The following SEC16B variants were observed in gnomAD, a reference collection of about 807,000 sequenced individuals.
The protein encoded by SEC16B is protein transport protein Sec16B.
Under a neutral mutation model 141.8 loss-of-function variants are expected in SEC16B, and 115 were observed. That is an observed-to-expected ratio of 0.81 (90% CI 0.70 to 0.95). SEC16B has a LOEUF of 0.95. SEC16B is among the 40% of genes least tolerant of loss of function. The probability of loss-of-function intolerance (pLI) is 0.00; values close to 1 mark genes in which losing one functional copy is unlikely to be tolerated. For synonymous variants in SEC16B, 493 were observed against 492.5 expected, an observed-to-expected ratio of 1.00 and a Z score of -0.01; for missense variants, 1,291 against 1,312.3, an observed-to-expected ratio of 0.98 and a Z score of 0.25.
At chr1:177,943,931 C>T (rs929941957) in intron 15 of SEC16B, among the ~76,000 whole-genome samples, 3 of 152,290 alleles carry the variant, frequency 2.0e-5, no homozygotes, top group Non-Finnish European at 2.9e-5. Flanking sequence ...TGGTGCTGGA[C>T]GTCAGAGCTC....
chr1:177,948,460 TGAA>T, intron 12 of SEC16B: 1 of 1,303,652 alleles, frequency 7.7e-7, no homozygotes, highest in Non-Finnish European at 1.0e-6. Context: ...AGGAACCCTA[TGAA>T]GTCTAGTTCC....
chr1:177,940,076 T>C (rs970634645), intron 17 of SEC16B, among the ~76,000 whole-genome samples: 1 of 152,178 alleles, frequency 6.6e-6, no homozygotes, highest in Non-Finnish European at 1.5e-5. Context: ...GTAGAGGCTG[T>C]GTGTGCTTTA....
At chr1:177,962,161 C>T (rs1197530931) in intron 5 of SEC16B, among the ~76,000 whole-genome samples, 4 of 152,052 alleles carry the variant, frequency 2.6e-5, no homozygotes, top group Admixed American at 2.0e-4. Context: ...GCAACCTCCA[C>T]CTCCTGGGTT....
rs1003874175 is a variant in SEC16B at position 177,944,761 on chromosome 1, T to C, written c.1776-95A>G. 10 of 1,008,644 alleles carry C rather than the reference T, an allele frequency of 9.9e-6. No homozygotes were observed. The Admixed American group carries it at 1.4e-4, about 14-fold the overall frequency. The allele number at this position is 1,008,644 out of a possible 1,614,324, so 62.5% of individuals were successfully genotyped here. A position where few individuals can be genotyped will look rare whatever the true frequency, so the allele number is the denominator to read the frequency against. On this transcript the variant is annotated intron_variant, in intron 14 of 25. Transcript: ENST00000308284. ...TCCAAACACCAGCTGCAGCCTTTCA[T>C]GGGGGAGTTTCCATCCTGGGCTGAT...
chr1:177,973,764 C>T (rs1441565009), upstream of SEC16B, among the ~76,000 whole-genome samples: 2 of 152,108 alleles, frequency 1.3e-5, no homozygotes, highest in Non-Finnish European at 2.9e-5. Context: ...TTCAGCAGAG[C>T]AGTAGACATT....
At position 177,958,340 on chromosome 1, in the gene SEC16B, G is replaced by T; in HGVS notation, c.1157C>A (p.Ala386Asp). 2 of 1,601,744 alleles carry T rather than the reference G, an allele frequency of 1.2e-6. No homozygotes were observed. Among genetic ancestry groups the T allele is most frequent in the Non-Finnish European group, 1.7e-6 (2 of 1,174,110 alleles). ...QNGSMVGSDI[A>D]ELLMQDCKKL... is the part of the protein sequence containing the mutation. ...CTTGCAGTCTTGCATTAGCAGCTCA[G>T]CGATGTCAGACCCCACCATGGACTG... The change falls in exon 10 of 26, where the codon GCT becomes GAT. Residue 386 changes from alanine (A) to aspartate (D), a missense_variant. By Grantham distance (126) the Ala-to-Asp change is moderately radical. Around this residue, in one of 3 missense-constraint regions of SEC16B, gnomAD observed 681 missense variants for 675.5 expected, o/e 1.01. Transcript: ENST00000308284.
Position 177,967,873 on chromosome 1 carries a change from G to A in SEC16B, c.109C>T (p.Pro37Ser). Residue 37 changes from proline (P) to serine (S), a missense_variant, in exon 2 of 26, where the codon CCT becomes TCT. Pro to Ser is a moderately conservative substitution (Grantham distance 74, BLOSUM62 -1). This residue lies in a region of SEC16B where 681 missense variants were observed against 675.5 expected (regional missense o/e 1.01). Transcript: ENST00000308284. ...FRRDGHHRPV[P>S]HSWHNGERFH... is the part of the protein sequence containing the mutation. ...CTCTCTCCATTGTGCCAAGAGTGAG[G>A]GACAGGCCGATGATGTCCATCTCTC... 6.2e-7 allele frequency: 1 copy of A among 1,613,964 alleles called. No individual in the cohort carries two copies. The highest frequency in any genetic ancestry group is 1.1e-5 in the South Asian group (1 of 91,074).
At chr1:177,964,110 C>T (rs375422924) in intron 5 of SEC16B, 61 bp downstream of exon 5, 1 of 1,248,436 alleles carries the variant, frequency 8.0e-7, no homozygotes, top group Admixed American at 2.1e-5. Flanking sequence ...TCTGCCACTG[C>T]TGACAGTGTC....
chr1:177,936,229 C>T, intron 20 of SEC16B, 69 bp downstream of exon 20: 1 of 1,327,546 alleles, frequency 7.5e-7, no homozygotes, highest in Non-Finnish European at 1.1e-6. Flanking sequence ...GGCTGGGAAA[C>T]CAAGGCAACT....
chr1:177,977,327 C>T (rs535830055), intron 1 of SEC16B, among the ~76,000 whole-genome samples: 1 of 152,268 alleles, frequency 6.6e-6, no homozygotes, highest in African/African-American at 2.4e-5. Flanking sequence ...TCCCTGCAGG[C>T]GAAGCAGTGT....
intron 25 of SEC16B, 117 bp from the exon 26 acceptor site, chr1:177,930,046 G>T: frequency 1.0e-6 from 1 of 988,910 alleles, no homozygotes; most frequent in Non-Finnish European, 1.5e-6. Flanking sequence ...ATTTCCCAAG[G>T]TTGTGTTCTA....
chr1:177,935,560 A>G lies in SEC16B; in HGVS notation c.2571+738T>C, dbSNP rs563363222. On this transcript the variant is annotated intron_variant, in intron 20 of 25. Coordinates refer to ENST00000308284, the MANE Select transcript of SEC16B (RefSeq NM_033127.4). ...TGTATATATAGAAAAATAGTATAAG[A>G]AAAGAAAAATATTCTGACTGTTGGA... Among the ~76,000 whole-genome samples the G allele has an allele frequency of 4.6e-5, 7 of 152,280 alleles. 1 individual carries two copies. The highest frequency in any genetic ancestry group is 3.9e-4 in the Admixed American group (6 of 15,298).
At chr1:177,955,570 A>T (rs1371479854) in intron 10 of SEC16B, among the ~76,000 whole-genome samples, 1 of 151,078 alleles carries the variant, frequency 6.6e-6, no homozygotes, top group Admixed American at 6.6e-5. Context: ...TGGTCTCAAA[A>T]CTCCTGGCCT....
At position 177,930,577 on chromosome 1, in the gene SEC16B, C is replaced by G; in HGVS notation, c.3079G>C (p.Val1027Leu). Residue 1027 changes from valine to leucine, a missense_variant, in exon 25 of 26, where the codon GTT (valine) becomes CTT (leucine). Coordinates refer to ENST00000308284, the MANE Select transcript of SEC16B (RefSeq NM_033127.4). ...ACCTGAGATGGGTTGTAAAGAGGAA[C>G]AGCCCCTTTTAAGGCAGGTGGAGGA... Reference protein sequence around the residue: ...LLPPPALKGAVPLYNPSQVPQ... With the variant: ...LLPPPALKGALPLYNPSQVPQ... The G allele has an allele frequency of 6.2e-7, 1 of 1,613,746 alleles. No homozygotes were observed. The highest frequency in any genetic ancestry group is 2.2e-5 in the East Asian group (1 of 44,868).
Position 177,958,207 on chromosome 1 carries a change from C to G in SEC16B, c.1290G>C (p.Glu430Asp). The G allele has an allele frequency of 6.3e-7, 1 of 1,599,422 alleles. No homozygotes were observed. The highest frequency in any genetic ancestry group is 1.3e-5 in the African/African-American group (1 of 74,680). Reference sequence around the variant, plus strand: ...CAGGTGTCTCCACACTGGGGGGGATCTCTCCCGTGAGCAGGTTCGGGGTCC... The same window carrying G: ...CAGGTGTCTCCACACTGGGGGGGATGTCTCCCGTGAGCAGGTTCGGGGTCC... ...SSGTPNLLTG[E>D]IPPSVETPAQ... The change falls in exon 10 of 26, where the codon GAG (glutamate) becomes GAC (aspartate). Residue 430 changes from glutamate (E) to aspartate (D), a missense_variant. This residue lies in a region of SEC16B where 681 missense variants were observed against 675.5 expected (regional missense o/e 1.01). Coordinates refer to ENST00000308284, the MANE Select transcript of SEC16B (RefSeq NM_033127.4).
intron 18 of SEC16B, among the ~76,000 whole-genome samples, 177 bp from the exon 19 acceptor site, chr1:177,937,690 A>C (rs1650960239): frequency 6.6e-6 from 1 of 152,158 alleles, no homozygotes; most frequent in Non-Finnish European, 1.5e-5. Context: ...TAACATCCTC[A>C]TTGCTGTTTA....
In SEC16B at chr1:177,947,887, G is replaced by C. The variant is rs759209279; in HGVS notation, c.1601C>G (p.Ser534Trp). Residue 534 changes from serine (S) to tryptophan (W), a missense_variant, in exon 13 of 26, where the codon TCG becomes TGG. This residue lies in a region of SEC16B where 681 missense variants were observed against 675.5 expected (regional missense o/e 1.01). Coordinates refer to ENST00000308284, the MANE Select transcript of SEC16B (RefSeq NM_033127.4). ...CAGCTCTGGGTCCCCAGCCTGATTC[G>C]ACAGAATCACAGCCAAGTGAGGCCT... ...DWRPHLAVILSNQAGDPELYQ... is the reference protein window; with the variant it reads ...DWRPHLAVILWNQAGDPELYQ... 6.4e-7 allele frequency: 1 copy of C among 1,560,622 alleles called. No individual in the cohort carries two copies. Among genetic ancestry groups the C allele is most frequent in the Non-Finnish European group, 8.7e-7 (1 of 1,152,410 alleles).
Position 177,932,823 on chromosome 1 carries a change from G to C in SEC16B, c.2824-17C>G, listed in dbSNP as rs553649159. 1 of 1,599,256 alleles carries C rather than the reference G, an allele frequency of 6.3e-7. No individual in the cohort carries two copies. The highest frequency in any genetic ancestry group is 1.3e-5 in the African/African-American group (1 of 74,832). On this transcript the variant is annotated splice_polypyrimidine_tract_variant and intron_variant, in intron 22 of 25. Transcript: ENST00000308284. ...GGGGGTCTCCTGCTTTGTGGAGAAA[G>C]AAAGGCAGCATTGGCAACATTGGCA...
rs577788531 is a variant in SEC16B, at chr1:177,977,429, A to T, written c.-59+6777T>A. On this transcript the variant is annotated intron_variant and NMD_transcript_variant, in intron 1 of 24. Transcript: ENST00000528461. ...CTTCAACTACTCTCTATTGCTGGAT[A>T]AAAAATATCATATTATATAAGATAC... Among the ~76,000 whole-genome samples the T allele has an allele frequency of 1.4e-3, 207 of 152,208 alleles. 1 individual carries two copies. Among genetic ancestry groups the T allele is most frequent in the Admixed American group, 2.0e-3 (31 of 15,278 alleles).
Sources: allele counts gnomAD v4.1 joint callset (sites outside exome capture counted in the v4.1 genomes callset), GRCh38; gene constraint gnomAD v4.1.1; regional missense constraint gnomAD v4.1.1; transcripts MANE v1.5; gene names NCBI Gene and HGNC (gene_info 2026-07-23, HGNC 2026-07-21).